LRMDA: variants seen among roughly 807,000 people sequenced by gnomAD.
LRMDA encodes leucine rich melanocyte differentiation associated.
LRMDA carries 18 observed loss-of-function variants against 29.8 expected under a neutral mutation model. The ratio of observed to expected loss-of-function variants is 0.60; its 90% CI spans 0.42 to 0.90. The LOEUF is 0.90. Ranked by LOEUF, LRMDA falls within the 40% of genes least tolerant of loss-of-function variation. The probability of loss-of-function intolerance (pLI) is 0.00; values close to 1 mark genes in which losing one functional copy is unlikely to be tolerated. For synonymous variants in LRMDA, 125 were observed against 109.4 expected (o/e 1.14, Z -0.89); for missense variants, 273 against 273.9 (o/e 1.00, Z 0.02).
At chr10:75,721,783 G>A (rs1842570151) in intron 2 of LRMDA, among the ~76,000 whole-genome samples, 1 of 152,198 alleles carries the variant, frequency 6.6e-6, no homozygotes, top group African/African-American at 2.4e-5. Context: ...ATTTGCAGAA[G>A]TATTGAAATG....
chr10:76,342,020 C>T (rs994535861), intron 6 of LRMDA, among the ~76,000 whole-genome samples: 1 of 152,146 alleles, frequency 6.6e-6, no homozygotes, highest in African/African-American at 2.4e-5. Flanking sequence ...TCTGGAAGAG[C>T]ATGTGGGACC....
intron 6 of LRMDA, among the ~76,000 whole-genome samples, chr10:76,366,642 A>C (rs532133459): frequency 1.3e-5 from 2 of 152,226 alleles, no homozygotes; most frequent in South Asian, 4.1e-4. Flanking sequence ...TCAGTTCTAC[A>C]AGTTTTCTGG....
intron 2 of LRMDA, among the ~76,000 whole-genome samples, chr10:76,008,230 T>C (rs1847708538): frequency 6.6e-6 from 1 of 152,094 alleles, no homozygotes; most frequent in South Asian, 2.1e-4. Flanking sequence ...GAGTGGGGCA[T>C]GGATCACAGT....
intron 5 of LRMDA, among the ~76,000 whole-genome samples, chr10:76,067,239 G>C (rs1174527691): frequency 6.6e-6 from 1 of 152,122 alleles, no homozygotes; most frequent in Non-Finnish European, 1.5e-5. Context: ...TCGTTTTAAG[G>C]AGTAAATTTA....
At chr10:75,581,511 T>C (rs1840591036) in intron 2 of LRMDA, among the ~76,000 whole-genome samples, 1 of 152,154 alleles carries the variant, frequency 6.6e-6, no homozygotes, top group Non-Finnish European at 1.5e-5. Flanking sequence ...AGTGTGGTGA[T>C]TCCTTAAGGA....
intron 5 of LRMDA, among the ~76,000 whole-genome samples, chr10:76,291,600 C>T (rs769817168): frequency 1.1e-4 from 17 of 151,878 alleles, no homozygotes; most frequent in South Asian, 4.2e-4. Context: ...GTCAGGTGAA[C>T]GTTTGCATAC....
chr10:76,182,580 C>G (rs1049169919), intron 5 of LRMDA, among the ~76,000 whole-genome samples: 1 of 152,076 alleles, frequency 6.6e-6, no homozygotes, highest in African/African-American at 2.4e-5. Context: ...CTACCTTGTC[C>G]CATGGAAAAT....
chr10:75,819,201 G>A (rs1589217422), intron 2 of LRMDA, among the ~76,000 whole-genome samples: 1 of 152,312 alleles, frequency 6.6e-6, no homozygotes, highest in East Asian at 1.9e-4. Context: ...TCTGTGGGAG[G>A]AGGATTATGT....
chr10:76,036,849 C>A lies in LRMDA; in HGVS notation c.258+715C>A, dbSNP rs139523003. ...TGCAACCTAAGGCCCGTAGCTCCTG[C>A]ATTGTTAGTGTAGTGGATTACCCGG... On this transcript the variant is annotated intron_variant, in intron 3 of 6. Transcript: ENST00000611255. Among the ~76,000 whole-genome samples the A allele has an allele frequency of 4.1e-3, 629 of 152,264 alleles. 5 individuals carry two copies. The highest frequency in any genetic ancestry group is 7.6e-3 in the African/African-American group (315 of 41,554).
rs185632223 is a variant in LRMDA at position 75,486,898 on chromosome 10, G to C, written c.131+48404G>C. Among the ~76,000 whole-genome samples, 246 of 152,332 alleles carry C rather than the reference G, an allele frequency of 1.6e-3. 3 individuals are homozygous for C. In the South Asian group the frequency reaches 0.023, roughly 14 times the overall value. ...AATTTGTTCTTCAGGCCACCCTGCT[G>C]GTGTGCTCTCAGCTTTGCACTTTTA... On this transcript the variant is annotated intron_variant, in intron 2 of 6. Coordinates refer to ENST00000611255, the MANE Select transcript of LRMDA (RefSeq NM_001305581.2).
At chr10:76,083,632 C>G (rs1307141196) in intron 5 of LRMDA, among the ~76,000 whole-genome samples, 2 of 152,050 alleles carry the variant, frequency 1.3e-5, no homozygotes, top group Admixed American at 6.6e-5. Context: ...AGTTCGAGAC[C>G]AGCCTGGCCA....
chr10:75,819,735 C>G (rs1844124287), intron 2 of LRMDA, among the ~76,000 whole-genome samples: 1 of 152,078 alleles, frequency 6.6e-6, no homozygotes, highest in Non-Finnish European at 1.5e-5. Context: ...TTCTGGTAGT[C>G]AGGAGGACCC....
At chr10:76,490,758 T>TTCAGTC (rs1842825964) in intron 6 of LRMDA, among the ~76,000 whole-genome samples, 1 of 151,980 alleles carries the variant, frequency 6.6e-6, no homozygotes, top group East Asian at 1.9e-4. Context: ...GATTGGAGAA[T>TTCAGTC]TCAGTCCATT....
chr10:76,538,655 C>T (rs753657622), intron 6 of LRMDA, among the ~76,000 whole-genome samples: 12 of 151,224 alleles, frequency 7.9e-5, no homozygotes, highest in Non-Finnish European at 1.8e-4. Context: ...TTCTTAAATA[C>T]GTCTTCTGGA....
chr10:76,555,017 A>C (rs1379201034), intron 6 of LRMDA, among the ~76,000 whole-genome samples: 1 of 152,138 alleles, frequency 6.6e-6, no homozygotes, highest in African/African-American at 2.4e-5. Context: ...GTGCCATAGA[A>C]ATAAATTAGC....
intron 2 of LRMDA, among the ~76,000 whole-genome samples, chr10:75,841,925 C>T (rs1447935729): frequency 6.6e-6 from 1 of 152,058 alleles, no homozygotes; most frequent in African/African-American, 2.4e-5. Context: ...TCTCGTTTCC[C>T]CTCTGTCTCT....
chr10:75,649,467 A>T (rs1398297034), intron 2 of LRMDA, among the ~76,000 whole-genome samples: 1 of 152,204 alleles, frequency 6.6e-6, no homozygotes, highest in Non-Finnish European at 1.5e-5. Flanking sequence ...ATCTGTTCAT[A>T]TGTTGATAGG....
chr10:75,890,645 C>T (rs1031524678), intron 2 of LRMDA, among the ~76,000 whole-genome samples: 2 of 152,076 alleles, frequency 1.3e-5, no homozygotes, highest in Non-Finnish European at 2.9e-5. Flanking sequence ...GTGAAGAGGA[C>T]CTGTACCATG....
At chr10:75,842,323 G>A (rs1844555032) in intron 2 of LRMDA, among the ~76,000 whole-genome samples, 1 of 152,082 alleles carries the variant, frequency 6.6e-6, no homozygotes, top group African/African-American at 2.4e-5. Context: ...TTTTAATTTT[G>A]TCAGTAAAAT....
Sources: gnomAD v4.1 joint callset for allele counts (sites outside exome capture counted in the v4.1 genomes callset) on GRCh38, gnomAD v4.1.1 for gene constraint, MANE v1.5 for transcripts, NCBI Gene and HGNC (gene_info 2026-07-23, HGNC 2026-07-21) for gene names.